The following LTBP2 variants were observed in gnomAD, a reference collection of about 807,000 sequenced individuals.
LTBP2 encodes the protein latent-transforming growth factor beta-binding protein 2.
LTBP2 carries 103 observed loss-of-function variants against 210.6 expected under a neutral mutation model. The ratio of observed to expected loss-of-function variants is 0.49; its 90% CI spans 0.42 to 0.58. The LOEUF (loss-of-function observed/expected upper bound fraction) is 0.58. LTBP2 is among the 20% of genes least tolerant of loss of function. The pLI, the probability that LTBP2 is intolerant of heterozygous loss-of-function variation, is 0.00. For synonymous variants in LTBP2, 1,007 were observed against 1,015.0 expected (o/e 0.99, Z 0.15); for missense variants, 2,313 against 2,494.5 (o/e 0.93, Z 1.55).
Position 74,507,176 on chromosome 14 carries a change from C to T in LTBP2, c.3907+3G>A, listed in dbSNP as rs748024644. 9 of 1,614,166 alleles carry T rather than the reference C, an allele frequency of 5.6e-6. No homozygotes were observed. In the East Asian group the frequency reaches 1.8e-4, roughly 32 times the overall value. ...CTCCTCTCTCTCCTCCCTCCCTACT[C>T]ACCAATGCAGTCTCCGTTCGGGGCC... On this transcript the variant is annotated splice_donor_region_variant and intron_variant, in intron 26 of 35. Transcript: ENST00000261978.
At chr14:74,506,853 A>ATGTATG in intron 26 of LTBP2, 30 bp from the exon 27 acceptor site, 1 of 1,568,004 alleles carries the variant, frequency 6.4e-7, no homozygotes, top group Non-Finnish European at 8.7e-7. Context: ...AGGATAGAGG[A>ATGTATG]TGTGTGTGTG....
At chr14:74,503,857 G>A in intron 31 of LTBP2, 69 bp downstream of exon 31, 2 of 1,599,094 alleles carry the variant, frequency 1.3e-6, no homozygotes, top group East Asian at 2.2e-5. Context: ...GGACTGGCTG[G>A]CAGGGGCTGG....
intron 8 of LTBP2, among the ~76,000 whole-genome samples, chr14:74,539,584 T>C (rs2087466062): frequency 1.3e-5 from 2 of 152,156 alleles, no homozygotes; most frequent in Non-Finnish European, 2.9e-5. Flanking sequence ...TTCATGCCTG[T>C]GGTCCCAGCT....
intron 2 of LTBP2, among the ~76,000 whole-genome samples, chr14:74,597,269 G>C (rs759435853): frequency 4.6e-5 from 7 of 152,186 alleles, no homozygotes; most frequent in Non-Finnish European, 1.0e-4. Flanking sequence ...GTGCCTGCTG[G>C]CACTCAATAC....
intron 2 of LTBP2, among the ~76,000 whole-genome samples, chr14:74,588,461 T>C (rs1306827713): frequency 6.6e-6 from 1 of 152,122 alleles, no homozygotes; most frequent in Non-Finnish European, 1.5e-5. Context: ...CCTCAGGTGA[T>C]CCGCCCACCT....
chr14:74,501,513 G>T lies in LTBP2; in HGVS notation c.5248C>A (p.Arg1750Ser), dbSNP rs780081960. Residue 1750 changes from arginine (R) to serine (S), a missense_variant, in exon 35 of 36, where the codon CGC (arginine) becomes AGC (serine). Coordinates refer to ENST00000261978, the MANE Select transcript of LTBP2 (RefSeq NM_000428.3). ...LNGCENGRCV[R>S]VREGYTCDCF... ...TCACAGGTGTAGCCCTCCCGCACGCGCACACAGCGGCCATTCTCACAGCCG... is the reference window on the plus strand; with the variant it reads ...TCACAGGTGTAGCCCTCCCGCACGCTCACACAGCGGCCATTCTCACAGCCG... 6 of 1,614,096 alleles carry T rather than the reference G, an allele frequency of 3.7e-6. No homozygotes were observed. In the South Asian group the frequency reaches 6.6e-5, roughly 18 times the overall value.
At chr14:74,506,636 A>T in intron 27 of LTBP2, 62 bp downstream of exon 27, 1 of 1,603,696 alleles carries the variant, frequency 6.2e-7, no homozygotes, top group Non-Finnish European at 8.5e-7. Context: ...CCAGTTGAGG[A>T]GGAGGACCCC....
At chr14:74,525,885 T>C (rs1321437273) in intron 14 of LTBP2, among the ~76,000 whole-genome samples, 190 bp downstream of exon 14, 4 of 152,228 alleles carry the variant, frequency 2.6e-5, no homozygotes, top group Admixed American at 6.5e-5. Context: ...ATGGGGTCTC[T>C]CGCTGACTTC....
chr14:74,608,410 T>G (rs1021941552), intron 1 of LTBP2, among the ~76,000 whole-genome samples: 1 of 151,284 alleles, frequency 6.6e-6, no homozygotes, highest in African/African-American at 2.4e-5. Flanking sequence ...TGAGGCTGGT[T>G]CAAAAAACCC....
rs144977316 is a variant in LTBP2 at position 74,548,973 on chromosome 14, T to A, written c.1789+890A>T. 2.3e-3 allele frequency among the ~76,000 whole-genome samples: 357 copies of A among 152,308 alleles called. 1 individual carries two copies. Among genetic ancestry groups the A allele is most frequent in the African/African-American group, 6.0e-3 (250 of 41,554 alleles). ...AAACTGTCTACACTTATTTTTAGTTTGGAAAATGTAGTCACTGCTCCACAG... is the reference window on the plus strand; with the variant it reads ...AAACTGTCTACACTTATTTTTAGTTAGGAAAATGTAGTCACTGCTCCACAG... On this transcript the variant is annotated intron_variant, in intron 8 of 35. Transcript: ENST00000261978.
intron 15 of LTBP2, among the ~76,000 whole-genome samples, chr14:74,523,503 T>C (rs371025403): frequency 2.6e-5 from 4 of 151,676 alleles, no homozygotes; most frequent in African/African-American, 2.4e-5. Context: ...AAGGGAGGTA[T>C]AGTGGGTCCT....
intron 8 of LTBP2, among the ~76,000 whole-genome samples, chr14:74,542,282 G>C (rs2087517848): frequency 6.6e-6 from 1 of 152,190 alleles, no homozygotes; most frequent in South Asian, 2.1e-4. Context: ...GAAGCAGATG[G>C]GCCCCTGGCT....
In LTBP2 at chr14:74,501,509, A is replaced by G; in HGVS notation, c.5252T>C (p.Val1751Ala). 1 of 1,614,064 alleles carries G rather than the reference A, an allele frequency of 6.2e-7. No homozygotes were observed. Among genetic ancestry groups the G allele is most frequent in the Admixed American group, 1.7e-5 (1 of 60,016 alleles). ...NGCENGRCVR[V>A]REGYTCDCFE... is the part of the protein sequence containing the mutation. ...ACAGTCACAGGTGTAGCCCTCCCGC[A>G]CGCGCACACAGCGGCCATTCTCACA... The change falls in exon 35 of 36, where the codon GTG becomes GCG. Residue 1751 changes from valine to alanine, a missense_variant. By Grantham distance (64) the Val-to-Ala change is moderately conservative. This residue lies in a region of LTBP2 where 443 missense variants were observed against 501.4 expected (regional missense o/e 0.88). Coordinates refer to ENST00000261978, the MANE Select transcript of LTBP2 (RefSeq NM_000428.3).
In LTBP2 at chr14:74,556,596, G is replaced by A. The variant is rs148363478; in HGVS notation, c.831-903C>T. Among the ~76,000 whole-genome samples, 1,097 of 152,234 alleles carry A rather than the reference G, an allele frequency of 7.2e-3. 36 individuals carry two copies. The highest frequency in any genetic ancestry group is 0.051 in the Admixed American group (778 of 15,292). On this transcript the variant is annotated intron_variant, in intron 3 of 35. Transcript: ENST00000261978. ...CAATGGCGCGATCTCAGCTCACTGC[G>A]GCCTCTGCCTCCTGGGTTCAAGCAA...
At chr14:74,565,320 C>T (rs1014371292) in intron 3 of LTBP2, among the ~76,000 whole-genome samples, 1 of 152,126 alleles carries the variant, frequency 6.6e-6, no homozygotes, top group Non-Finnish European at 1.5e-5. Context: ...TCAAGCAGGC[C>T]TAGGACATGT....
chr14:74,543,900 A>G (rs182806440), intron 8 of LTBP2, among the ~76,000 whole-genome samples: 4 of 152,320 alleles, frequency 2.6e-5, no homozygotes, highest in African/African-American at 9.6e-5. Context: ...CAAAGTCACC[A>G]CAAACAGTGA....
intron 3 of LTBP2, among the ~76,000 whole-genome samples, chr14:74,561,141 A>C (rs1327629462): frequency 6.6e-6 from 1 of 152,168 alleles, no homozygotes; most frequent in Non-Finnish European, 1.5e-5. Flanking sequence ...CAACATGGTG[A>C]AACCTGTCTC....
Position 74,586,561 on chromosome 14 carries a change from G to C in LTBP2, c.566-443C>G, listed in dbSNP as rs1442074103. Reference sequence around the variant, plus strand: ...ATGGATGAATGAATCAGTCTCTTTTGCGGGAAAGGGCCCAACACTGGCCTG... The same window carrying C: ...ATGGATGAATGAATCAGTCTCTTTTCCGGGAAAGGGCCCAACACTGGCCTG... On this transcript the variant is annotated intron_variant, in intron 2 of 35. Transcript: ENST00000261978. The surrounding 1 kb of genome is among the most constrained non-coding windows in gnomAD (Gnocchi z 4.6). Among the ~76,000 whole-genome samples the C allele has an allele frequency of 6.6e-6, 1 of 152,180 alleles. No homozygotes were observed. Among genetic ancestry groups the C allele is most frequent in the Non-Finnish European group, 1.5e-5 (1 of 68,040 alleles).
intron 13 of LTBP2, among the ~76,000 whole-genome samples, chr14:74,526,459 G>A (rs1046887029): frequency 6.6e-6 from 1 of 152,252 alleles, no homozygotes; most frequent in Non-Finnish European, 1.5e-5. Flanking sequence ...AGAAGCTCTG[G>A]AGGTTCACTA....
Sources: gnomAD v4.1 joint callset for allele counts (sites outside exome capture counted in the v4.1 genomes callset) on GRCh38, gnomAD v4.1.1 for gene constraint, gnomAD v4.1.1 regional missense constraint, Gnocchi (gnomAD v3.1) non-coding constraint, MANE v1.5 for transcripts, NCBI Gene and HGNC (gene_info 2026-07-23, HGNC 2026-07-21) for gene names.